Variants in MED13 observed in about 807,000 individuals in gnomAD.
MED13 encodes the protein mediator complex subunit 13, also known as mediator of RNA polymerase II transcription subunit 13.
MED13 carries 23 observed loss-of-function variants against 225.2 expected under a neutral mutation model. The ratio of observed to expected loss-of-function variants is 0.10; its 90% CI spans 0.07 to 0.14. MED13 has a LOEUF of 0.14. Among genes scored for constraint, MED13 ranks in the 10% least tolerant of loss-of-function variants. The pLI is 1.00. For missense variants in MED13, 2,197 were observed against 2,594.5 expected (o/e 0.85, Z 3.33); for synonymous variants, 942 against 889.2 (o/e 1.06, Z -1.06).
chr17:62,063,219 T>C lies in MED13; in HGVS notation c.149A>G (p.Glu50Gly). The part of the protein sequence containing the change: ...SAPILFPVTE[E>G]DPILSSFSRC... ...ACTAAAACTGCTCAAAATGGGGTCT[T>C]CTTCTGTCACAGGAAACAGAATAGG... The change falls in exon 2 of 30, where the codon GAA becomes GGA. Residue 50 changes from glutamate (E) to glycine (G), a missense_variant. By Grantham distance (98) the Glu-to-Gly change is moderately conservative. Coordinates refer to ENST00000397786, the MANE Select transcript of MED13 (RefSeq NM_005121.3). 6.2e-7 allele frequency: 1 copy of C among 1,614,170 alleles called. No homozygotes were observed. The highest frequency in any genetic ancestry group is 1.6e-4 in the Middle Eastern group (1 of 6,062).
chr17:62,009,919 AAAT>A (rs1463276961), intron 9 of MED13, among the ~76,000 whole-genome samples: 1 of 152,180 alleles, frequency 6.6e-6, no homozygotes, highest in African/African-American at 2.4e-5. Context: ...ACATGTACTG[AAAT>A]AATAAGTACC....
chr17:61,953,416 G>A (rs903925246), intron 26 of MED13, among the ~76,000 whole-genome samples: 1 of 152,186 alleles, frequency 6.6e-6, no homozygotes, highest in African/African-American at 2.4e-5. Context: ...TTGAGATGGG[G>A]AGATTATTCT....
At chr17:62,043,156 C>CA (rs764530614) in intron 3 of MED13, among the ~76,000 whole-genome samples, 1,442 of 31,724 alleles carry the variant, frequency 0.045, 200 homozygotes, top group East Asian at 0.13. Context: ...ACCCTGTCTC[C>CA]AAAAAAAAAA....
intron 3 of MED13, among the ~76,000 whole-genome samples, chr17:62,051,452 C>T (rs898812649): frequency 7.2e-5 from 11 of 152,174 alleles, no homozygotes; most frequent in African/African-American, 2.7e-4. Flanking sequence ...AAATCAATCC[C>T]TACATAAGCC....
chr17:61,984,950 G>A (rs1371380947), intron 13 of MED13, 50 bp downstream of exon 13: 1 of 1,598,534 alleles, frequency 6.3e-7, no homozygotes, highest in Admixed American at 1.7e-5. Context: ...GAGCTTTGTT[G>A]AGATTAAAAG....
chr17:61,954,290 T>C (rs2079922412), intron 26 of MED13, among the ~76,000 whole-genome samples: 1 of 152,194 alleles, frequency 6.6e-6, no homozygotes, highest in Non-Finnish European at 1.5e-5. Flanking sequence ...ATCTTCTTTA[T>C]TTTCTCTTCT....
chr17:61,968,517 G>A (rs1445979437), intron 17 of MED13, among the ~76,000 whole-genome samples: 2 of 152,034 alleles, frequency 1.3e-5, no homozygotes, highest in African/African-American at 2.4e-5. Flanking sequence ...TAGTAGAGAC[G>A]AGGTTTCACC....
intron 28 of MED13, 56 bp downstream of exon 28, chr17:61,950,769 C>A (rs1322818261): frequency 6.5e-7 from 1 of 1,531,172 alleles, no homozygotes; most frequent in Non-Finnish European, 8.8e-7. Context: ...CTATATTTCT[C>A]AGGACTTAGG....
rs374104395 is a variant in MED13, at chr17:62,021,294, C to T, written c.1283+8247G>A. 5.2e-3 allele frequency among the ~76,000 whole-genome samples: 757 copies of T among 145,274 alleles called. 4 individuals are homozygous for T. The highest frequency in any genetic ancestry group is 0.019 in the African/African-American group (732 of 38,558). ...GCAGAGGCGCCCCTCACCTCCCGGA[C>T]GGGGCGGCTGGCCGGGCGGGGGGCT... On this transcript the variant is annotated intron_variant, in intron 8 of 29. Transcript: ENST00000397786.
intron 16 of MED13, among the ~76,000 whole-genome samples, chr17:61,974,093 T>C (rs532625558): frequency 2.0e-5 from 3 of 152,216 alleles, no homozygotes; most frequent in African/African-American, 7.2e-5. Flanking sequence ...GTATACATAG[T>C]AGAATACTAC....
chr17:61,961,127 C>A (rs749846133), intron 22 of MED13, 37 bp from the exon 23 acceptor site: 3 of 1,438,214 alleles, frequency 2.1e-6, no homozygotes, highest in Non-Finnish European at 2.9e-6. Flanking sequence ...TCATACTATA[C>A]AATCTTAGAG....
chr17:61,977,488 G>A (rs1179627442), intron 16 of MED13, among the ~76,000 whole-genome samples: 1 of 152,180 alleles, frequency 6.6e-6, no homozygotes, highest in African/African-American at 2.4e-5. Flanking sequence ...GTCTCTCTCT[G>A]TCGCCCAGGC....
chr17:62,000,898 G>A (rs1417676540), intron 9 of MED13, among the ~76,000 whole-genome samples: 1 of 152,090 alleles, frequency 6.6e-6, no homozygotes. Flanking sequence ...GAATAGCTGG[G>A]ATTACAGGCG....
rs1441227545 is a variant in MED13 at position 61,965,209 on chromosome 17, A to G, written c.4641T>C (p.Asn1547=). ...GTAGTTTATTTGATGATACTCCACT[A>G]TTCAAGTTGGAGGATGATGAAGATG... ...STSSSSSSNL[N]SGVSSNKLPS... is the part of the protein sequence containing the mutation. The change falls in exon 20 of 30, where the codon AAT becomes AAC. Residue 1547 remains asparagine, a synonymous_variant. Coordinates refer to ENST00000397786, the MANE Select transcript of MED13 (RefSeq NM_005121.3). 1 of 1,614,152 alleles carries G rather than the reference A, an allele frequency of 6.2e-7. No individual in the cohort carries two copies. The highest frequency in any genetic ancestry group is 1.7e-5 in the Admixed American group (1 of 60,024).
Position 61,965,471 on chromosome 17 carries a change from A to G in MED13, c.4382-3T>C, listed in dbSNP as rs754272009. The G allele has an allele frequency of 6.2e-7, 1 of 1,604,544 alleles. No homozygotes were observed. Among genetic ancestry groups the G allele is most frequent in the South Asian group, 1.1e-5 (1 of 90,020 alleles). On this transcript the variant is annotated splice_polypyrimidine_tract_variant and splice_region_variant and intron_variant, in intron 19 of 29. Coordinates refer to ENST00000397786, the MANE Select transcript of MED13 (RefSeq NM_005121.3). ...TGGCAGGGAAGCAAGATAAGGACCT[A>G]AAGAATAAAAACAGGTACGAAATTT... is the stretch of plus-strand genomic sequence containing the variant.
chr17:62,020,860 G>C (rs1000977636), intron 8 of MED13, among the ~76,000 whole-genome samples: 4 of 151,802 alleles, frequency 2.6e-5, no homozygotes, highest in African/African-American at 9.7e-5. Flanking sequence ...TGTGTCCCTG[G>C]GTACTTGAGA....
intron 17 of MED13, among the ~76,000 whole-genome samples, chr17:61,969,212 G>T (rs566224289): frequency 6.6e-6 from 1 of 152,070 alleles, no homozygotes; most frequent in African/African-American, 2.4e-5. Context: ...AAAATTAGCC[G>T]GGCATGGTGG....
At chr17:61,983,930 G>C (rs1319786146) in intron 15 of MED13, among the ~76,000 whole-genome samples, 1 of 152,030 alleles carries the variant, frequency 6.6e-6, no homozygotes, top group Non-Finnish European at 1.5e-5. Flanking sequence ...GGTTTCGTAT[G>C]TTGGCCAGGC....
At chr17:61,956,538 T>C (rs948831998) in intron 23 of MED13, 57 bp from the exon 24 acceptor site, 3 of 1,540,530 alleles carry the variant, frequency 1.9e-6, no homozygotes, top group African/African-American at 2.8e-5. Flanking sequence ...ATGATTTTGC[T>C]GTTGTTGTTT....
Sources: gnomAD v4.1 joint callset for allele counts (sites outside exome capture counted in the v4.1 genomes callset) on GRCh38, gnomAD v4.1.1 for gene constraint, MANE v1.5 for transcripts, NCBI Gene and HGNC (gene_info 2026-07-23, HGNC 2026-07-21) for gene names.